The following PRDM16 variants were observed in gnomAD, a reference collection of about 807,000 sequenced individuals.
The protein encoded by PRDM16 is PR/SET domain 16, also known as histone-lysine N-methyltransferase PRDM16.
In PRDM16, 23 loss-of-function variants were observed where a neutral mutation model predicts 110.6. The observed-to-expected ratio is 0.21, with a 90% CI of 0.15 to 0.29. PRDM16 has a LOEUF of 0.29. PRDM16 is among the 10% of genes least tolerant of loss of function. The probability of loss-of-function intolerance (pLI) is 1.00; values close to 1 mark genes in which losing one functional copy is unlikely to be tolerated. For missense variants in PRDM16, 1,615 were observed against 1,794.3 expected (o/e 0.90, Z 1.81); for synonymous variants, 799 against 781.8 (o/e 1.02, Z -0.37).
chr1:3,336,701 A>C (rs555535718), intron 3 of PRDM16, among the ~76,000 whole-genome samples: 1 of 142,116 alleles, frequency 7.0e-6, no homozygotes, highest in African/African-American at 2.7e-5. Context: ...TGAATCTGTG[A>C]GCACATGCAT....
chr1:3,405,293 G>C (rs555675875), intron 7 of PRDM16, among the ~76,000 whole-genome samples: 1 of 152,210 alleles, frequency 6.6e-6, no homozygotes, highest in African/African-American at 2.4e-5. Context: ...GAAAGCAGCC[G>C]GGGAGGCTCT....
chr1:3,134,709 A>G (rs1643401761), intron 1 of PRDM16, among the ~76,000 whole-genome samples: 1 of 152,260 alleles, frequency 6.6e-6, no homozygotes. Flanking sequence ...CAGAAAGTGA[A>G]GATTAAACTT....
intron 1 of PRDM16, among the ~76,000 whole-genome samples, chr1:3,169,029 TCCCCA>T: frequency 6.6e-6 from 1 of 152,018 alleles, no homozygotes; most frequent in Non-Finnish European, 1.5e-5. Context: ...AACAGAAGCC[TCCCCA>T]CCCCTGTAAG....
At chr1:3,181,941 TACAC>T (rs537227415) in intron 1 of PRDM16, among the ~76,000 whole-genome samples, 42 of 151,640 alleles carry the variant, frequency 2.8e-4, no homozygotes, top group Non-Finnish European at 3.4e-4. Flanking sequence ...TACACATGCT[TACAC>T]ACACAGTCTT....
At chr1:3,090,880 C>T (rs1642261026) in intron 1 of PRDM16, among the ~76,000 whole-genome samples, 1 of 152,202 alleles carries the variant, frequency 6.6e-6, no homozygotes. Context: ...GAGCCGAAAG[C>T]AGAATCTCCA....
At chr1:3,198,778 C>T (rs115350440) in intron 2 of PRDM16, among the ~76,000 whole-genome samples, 1 of 152,294 alleles carries the variant, frequency 6.6e-6, no homozygotes, top group East Asian at 1.9e-4. Context: ...TCGGCGGAGT[C>T]GGCAGAGTTC....
intron 2 of PRDM16, among the ~76,000 whole-genome samples, chr1:3,193,369 C>T (rs1321925976): frequency 6.6e-6 from 1 of 152,244 alleles, no homozygotes; most frequent in Non-Finnish European, 1.5e-5. Context: ...CAGGCTGCCT[C>T]ATGGCTCTGG....
chr1:3,237,703 G>C (rs958652656), intron 2 of PRDM16, among the ~76,000 whole-genome samples: 2 of 152,234 alleles, frequency 1.3e-5, no homozygotes, highest in African/African-American at 2.4e-5. Flanking sequence ...GCCTCGCCCG[G>C]GCGGTGTGTC....
At chr1:3,136,160 T>C (rs906729595) in intron 1 of PRDM16, among the ~76,000 whole-genome samples, 2 of 151,892 alleles carry the variant, frequency 1.3e-5, no homozygotes, top group African/African-American at 4.8e-5. Context: ...ACCACCAGCT[T>C]TGGGCCTTCG....
intron 3 of PRDM16, among the ~76,000 whole-genome samples, chr1:3,280,382 T>C (rs913131006): frequency 1.3e-5 from 2 of 152,064 alleles, no homozygotes; most frequent in Non-Finnish European, 2.9e-5. Context: ...CTGGGGCAGG[T>C]ATATCTGGGA....
At position 3,213,221 on chromosome 1, in the gene PRDM16, T is replaced by C. The variant is rs1638940244; in HGVS notation, c.387+26747T>C. Reference sequence around the variant, plus strand: ...AAATTAGCCAATAAACACCACCCATTCCGTGGTGAGGGGGGAAATGGAGAA... The same window carrying C: ...AAATTAGCCAATAAACACCACCCATCCCGTGGTGAGGGGGGAAATGGAGAA... On this transcript the variant is annotated intron_variant, in intron 2 of 16. Coordinates refer to ENST00000270722, the MANE Select transcript of PRDM16 (RefSeq NM_022114.4). This position sits in a 1 kb window ranked among gnomAD's most constrained non-coding sequence, Gnocchi z 5.3. Among the ~76,000 whole-genome samples the C allele has an allele frequency of 6.6e-6, 1 of 152,106 alleles. No homozygotes were observed.
intron 1 of PRDM16, among the ~76,000 whole-genome samples, chr1:3,185,610 C>G (rs552612172): frequency 1.3e-5 from 2 of 152,266 alleles, no homozygotes; most frequent in Non-Finnish European, 2.9e-5. Context: ...TTCACCCAAA[C>G]TCTGAGTCCT....
chr1:3,435,716 C>T lies in PRDM16; in HGVS notation c.*1905C>T, dbSNP rs975713084. 1.7e-5 allele frequency: 4 copies of T among 232,688 alleles called. No homozygotes were observed. Among genetic ancestry groups the T allele is most frequent in the Non-Finnish European group, 3.4e-5 (4 of 117,738 alleles). 14.4% of individuals were successfully genotyped at this position (232,688 alleles called of 1,614,324 possible). A position where few individuals can be genotyped will look rare whatever the true frequency, so the allele number is the denominator to read the frequency against. ...CGCGTGGACATCTCCTCAGGCTGTC[C>T]CCAGCGGTGACGGGAGGTGTCCTGG... On this transcript the variant is annotated 3_prime_UTR_variant, in exon 17 of 17. Coordinates refer to ENST00000270722, the MANE Select transcript of PRDM16 (RefSeq NM_022114.4).
chr1:3,189,170 C>T (rs992516634), intron 2 of PRDM16, among the ~76,000 whole-genome samples: 1 of 152,248 alleles, frequency 6.6e-6, no homozygotes, highest in Admixed American at 6.5e-5. Context: ...GAACACCAGG[C>T]TTCAGGGCTG....
intron 3 of PRDM16, among the ~76,000 whole-genome samples, chr1:3,270,662 GGAGGAGGACAGTCCCA>G (rs1453158054): frequency 1.1e-5 from 1 of 87,808 alleles, no homozygotes; most frequent in Non-Finnish European, 1.9e-5. Flanking sequence ...AGAACAGTCA[GGAGGAGGACAGTCCCA>G]GAGGAGGACA....
In PRDM16 at chr1:3,240,749, C is replaced by A. The variant is rs139770400; in HGVS notation, c.388-3338C>A. ...GGCGCCAGAACTCCAGAGCCCTAAG[C>A]GCCTCTGCGTACGTGGCCTCTTTGC... On this transcript the variant is annotated intron_variant, in intron 2 of 16. Transcript: ENST00000270722. Among the ~76,000 whole-genome samples the A allele has an allele frequency of 8.3e-3, 1,262 of 152,346 alleles. 16 individuals carry two copies. The highest frequency in any genetic ancestry group is 0.029 in the African/African-American group (1,201 of 41,570).
chr1:3,244,642 TTGCTGAC>T lies in PRDM16; in HGVS notation c.438+508_438+514del, dbSNP rs1342968098. On this transcript the variant is annotated intron_variant, in intron 3 of 16. Transcript: ENST00000270722. This position sits in a 1 kb window ranked among gnomAD's most constrained non-coding sequence, Gnocchi z 4.1. ...GGTCCACGTGGCATTATCCACGGCT[TTGCTGAC>T]TGGTGGTGGATAACGGCTGGTGGAC... 6.6e-6 allele frequency among the ~76,000 whole-genome samples: 1 copy of T among 152,074 alleles called. No individual in the cohort carries two copies. Among genetic ancestry groups the T allele is most frequent in the Admixed American group, 6.5e-5 (1 of 15,278 alleles).
At chr1:3,311,180 C>T (rs544842941) in intron 3 of PRDM16, among the ~76,000 whole-genome samples, 13 of 152,316 alleles carry the variant, frequency 8.5e-5, no homozygotes, top group East Asian at 5.8e-4. Flanking sequence ...GAGACGGAGC[C>T]GTCGCTTCCC....
At chr1:3,267,807 G>C (rs988122485) in intron 3 of PRDM16, among the ~76,000 whole-genome samples, 2 of 152,212 alleles carry the variant, frequency 1.3e-5, no homozygotes, top group Admixed American at 6.5e-5. Flanking sequence ...GTGGGTGTCG[G>C]TGGCAGCATT....
Sources: allele counts gnomAD v4.1 joint callset (sites outside exome capture counted in the v4.1 genomes callset), GRCh38; gene constraint gnomAD v4.1.1; non-coding constraint Gnocchi (gnomAD v3.1); transcripts MANE v1.5; gene names NCBI Gene and HGNC (gene_info 2026-07-23, HGNC 2026-07-21).